KCNAB2: variants seen among roughly 807,000 people sequenced by gnomAD.
The protein encoded by KCNAB2 is voltage-gated potassium channel subunit beta-2.
A neutral mutation model predicts 63.6 loss-of-function variants in KCNAB2; 29 were observed. That is an observed-to-expected ratio of 0.46 (90% CI 0.34 to 0.62). KCNAB2 has a LOEUF of 0.62. Among genes scored for constraint, KCNAB2 ranks in the 20% least tolerant of loss-of-function variants. KCNAB2 has a pLI of 0.01. For synonymous variants in KCNAB2, 222 were observed against 224.2 expected (o/e 0.99, Z 0.09); for missense variants, 359 against 563.9 (o/e 0.64, Z 3.68).
chr1:6,098,530 A>G lies in KCNAB2; in HGVS notation c.1204A>G (p.Ile402Val). 6.2e-7 allele frequency: 1 copy of G among 1,613,984 alleles called. No individual in the cohort carries two copies. Among genetic ancestry groups the G allele is most frequent in the Non-Finnish European group, 8.5e-7 (1 of 1,179,994 alleles). ...SSSIIHEIDSILGNKPYSKKD... is the reference protein window; with the variant it reads ...SSSIIHEIDSVLGNKPYSKKD... ...TTCCATTATCCACGAGATTGATAGT[A>G]TTTTGGGCAATAAACCCTACAGCAA... The change falls in exon 16 of 16, where the codon ATT (isoleucine) becomes GTT (valine). Residue 402 changes from isoleucine to valine, a missense_variant. Coordinates refer to ENST00000378083, the MANE Select transcript of KCNAB2 (RefSeq NM_001199862.2).
At chr1:6,049,126 C>A (rs1661184732) in intron 1 of KCNAB2, among the ~76,000 whole-genome samples, 1 of 152,268 alleles carries the variant, frequency 6.6e-6, no homozygotes, top group Non-Finnish European at 1.5e-5. Context: ...CTGCAAAGAG[C>A]CACTGGGCCT....
At position 6,087,439 on chromosome 1, in the gene KCNAB2, C is replaced by A. The variant is rs1368647156; in HGVS notation, c.426-28C>A. ...GACCCCCCAGGGGCCGGGCTTATCA[C>A]ACCCCTTCTTTCTCTTCTGTTCCAC... On this transcript the variant is annotated intron_variant, in intron 6 of 15. Coordinates refer to ENST00000378083, the MANE Select transcript of KCNAB2 (RefSeq NM_001199862.2). This position sits in a 1 kb window ranked among gnomAD's most constrained non-coding sequence, Gnocchi z 6.4. The A allele has an allele frequency of 6.2e-7, 1 of 1,613,444 alleles. No individual in the cohort carries two copies. The highest frequency in any genetic ancestry group is 1.1e-5 in the South Asian group (1 of 91,078).
chr1:6,015,798 C>T (rs1036383208), intron 1 of KCNAB2, among the ~76,000 whole-genome samples: 1 of 152,216 alleles, frequency 6.6e-6, no homozygotes, highest in South Asian at 2.1e-4. Context: ...TCCACCTCCC[C>T]GGGCTCAAGT....
chr1:6,046,558 C>T (rs1383173296), intron 1 of KCNAB2, among the ~76,000 whole-genome samples: 1 of 152,204 alleles, frequency 6.6e-6, no homozygotes, highest in African/African-American at 2.4e-5. Context: ...TTGCCCAGAG[C>T]GCTGTCAGGG....
At chr1:6,045,444 G>A (rs777540850), upstream of KCNAB2, among the ~76,000 whole-genome samples, 21 of 152,288 alleles carry the variant, frequency 1.4e-4, no homozygotes, top group African/African-American at 1.7e-4. The surrounding 1 kb of genome is among the most constrained non-coding windows in gnomAD (Gnocchi z 4.8). Flanking sequence ...GACATGTGCC[G>A]TGGAGAAGGG....
chr1:6,058,281 G>A (rs771999491), intron 2 of KCNAB2, among the ~76,000 whole-genome samples: 1 of 152,210 alleles, frequency 6.6e-6, no homozygotes, highest in African/African-American at 2.4e-5. Context: ...ACAGGTATCA[G>A]GAATTAGGAT....
chr1:5,999,666 CA>C (rs764051433), intron 1 of KCNAB2, among the ~76,000 whole-genome samples: 1 of 152,100 alleles, frequency 6.6e-6, no homozygotes, highest in African/African-American at 2.4e-5. Flanking sequence ...TGGTTTGGTT[CA>C]GGGGTACTGA....
At chr1:6,089,555 G>T (rs763851383) in intron 8 of KCNAB2, among the ~76,000 whole-genome samples, 13 of 152,180 alleles carry the variant, frequency 8.5e-5, no homozygotes, top group African/African-American at 2.7e-4. Flanking sequence ...CGAGGTAATA[G>T]ATCATTCCAT....
At chr1:6,022,879 C>CTT (rs34874871) in intron 1 of KCNAB2, among the ~76,000 whole-genome samples, 470 of 86,906 alleles carry the variant, frequency 5.4e-3, no homozygotes, top group Non-Finnish European at 6.5e-3. Flanking sequence ...TTTTGCTTAT[C>CTT]TTTTTTTTTT....
Position 6,096,701 on chromosome 1 carries a change from G to A in KCNAB2, c.1014G>A (p.Lys338=), listed in dbSNP as rs1401192067. 1 of 1,604,496 alleles carries A rather than the reference G, an allele frequency of 6.2e-7. No individual in the cohort carries two copies. Among genetic ancestry groups the A allele is most frequent in the Non-Finnish European group, 8.5e-7 (1 of 1,176,924 alleles). ...EEGRRQQAKL[K]ELQAIAERLG... Reference sequence around the variant, plus strand: ...GCCGGCGCCAGCAAGCCAAGCTGAAGGAGCTGCAGGCCATCGCCGAGCGCC... The same window carrying A: ...GCCGGCGCCAGCAAGCCAAGCTGAAAGAGCTGCAGGCCATCGCCGAGCGCC... Residue 338 remains lysine, a synonymous_variant, in exon 14 of 16, where the codon AAG becomes AAA. Transcript: ENST00000378083. This position sits in a 1 kb window ranked among gnomAD's most constrained non-coding sequence, Gnocchi z 5.9.
rs563322551 is a variant in KCNAB2, at chr1:6,078,911, G to C, written c.301-3284G>C. Among the ~76,000 whole-genome samples the C allele has an allele frequency of 6.6e-6, 1 of 152,336 alleles. No individual in the cohort carries two copies. Among genetic ancestry groups the C allele is most frequent in the South Asian group, 2.1e-4 (1 of 4,828 alleles). On this transcript the variant is annotated intron_variant, in intron 4 of 15. Transcript: ENST00000378083. The surrounding 1 kb of genome is among the most constrained non-coding windows in gnomAD (Gnocchi z 4.2). ...TGCCTGGGGAAGGTGCAGGGAGAGAGGATGGAAGCAGAGAGCTAGGAGGCT... is the reference window on the plus strand; with the variant it reads ...TGCCTGGGGAAGGTGCAGGGAGAGACGATGGAAGCAGAGAGCTAGGAGGCT...
At chr1:5,992,725 C>G (rs1268769653), upstream of KCNAB2, 1 of 152,206 alleles carries the variant, frequency 6.6e-6, no homozygotes, top group Non-Finnish European at 1.5e-5. Context: ...GCGCTAAAGT[C>G]GCAGGGGCAG....
chr1:5,994,725 G>A lies in KCNAB2; in HGVS notation c.-53+1937G>A, dbSNP rs1040151318. 1.1e-4 allele frequency among the ~76,000 whole-genome samples: 16 copies of A among 152,186 alleles called. No homozygotes were observed. The highest frequency in any genetic ancestry group is 5.9e-5 in the Non-Finnish European group (4 of 68,030). On this transcript the variant is annotated intron_variant, in intron 1 of 16. Coordinates refer to the KCNAB2 transcript ENST00000341524. This position sits in a 1 kb window ranked among gnomAD's most constrained non-coding sequence, Gnocchi z 5.4. Reference sequence around the variant, plus strand: ...AGTGTGCACAGAAGCCATTGCACCCGGGAGGTGGGACGTGGGCCATGGCGC... The same window carrying A: ...AGTGTGCACAGAAGCCATTGCACCCAGGAGGTGGGACGTGGGCCATGGCGC...
chr1:6,091,205 C>A, intron 9 of KCNAB2, 58 bp from the exon 10 acceptor site: 2 of 1,291,728 alleles, frequency 1.5e-6, no homozygotes, highest in Non-Finnish European at 2.2e-6. Context: ...TCGTGCCACG[C>A]CTCTCAGTGC....
At chr1:6,008,956 A>T (rs1222275869) in intron 1 of KCNAB2, among the ~76,000 whole-genome samples, 1 of 152,240 alleles carries the variant, frequency 6.6e-6, no homozygotes, top group Non-Finnish European at 1.5e-5. Flanking sequence ...GAGCAGCCTC[A>T]GTGAAAGCTG....
At chr1:6,080,372 C>T (rs139742871) in intron 4 of KCNAB2, among the ~76,000 whole-genome samples, 5 of 152,228 alleles carry the variant, frequency 3.3e-5, no homozygotes, top group African/African-American at 7.2e-5. Context: ...TGGGCACATC[C>T]GGGAGGAGGA....
At chr1:6,070,303 C>T (rs1663090642) in intron 2 of KCNAB2, among the ~76,000 whole-genome samples, 1 of 152,148 alleles carries the variant, frequency 6.6e-6, no homozygotes, top group African/African-American at 2.4e-5. Context: ...AACCTCCAGC[C>T]CTTTGCTTCA....
intron 2 of KCNAB2, among the ~76,000 whole-genome samples, chr1:6,053,234 C>T (rs775415824): frequency 4.6e-5 from 7 of 152,082 alleles, no homozygotes; most frequent in Admixed American, 1.3e-4. Context: ...GCTGGGCATT[C>T]ATGAGGGGCT....
At chr1:6,044,765 A>T (rs974890335), upstream of KCNAB2, among the ~76,000 whole-genome samples, 2 of 152,188 alleles carry the variant, frequency 1.3e-5, no homozygotes, top group Non-Finnish European at 2.9e-5. Flanking sequence ...GACAGTGCCC[A>T]GGAAAGGTGC....
Sources: gnomAD v4.1 joint callset for allele counts (sites outside exome capture counted in the v4.1 genomes callset) on GRCh38, gnomAD v4.1.1 for gene constraint, Gnocchi (gnomAD v3.1) non-coding constraint, MANE v1.5 for transcripts, NCBI Gene and HGNC (gene_info 2026-07-23, HGNC 2026-07-21) for gene names.